The following SRGAP3 variants were observed in gnomAD, a reference collection of about 807,000 sequenced individuals.
SRGAP3 encodes SLIT-ROBO Rho GTPase-activating protein 3.
Under a neutral mutation model 121.1 loss-of-function variants are expected in SRGAP3, and 39 were observed. The ratio of observed to expected loss-of-function variants is 0.32; its 90% confidence interval spans 0.25 to 0.42. The LOEUF is 0.42. SRGAP3 is among the 10% of genes least tolerant of loss of function. The pLI is 1.00. For missense variants in SRGAP3, 1,213 were observed against 1,470.6 expected (o/e 0.82, Z 2.86); for synonymous variants, 601 against 570.0 (o/e 1.05, Z -0.77).
intron 1 of SRGAP3, among the ~76,000 whole-genome samples, chr3:9,166,104 C>T (rs1448412641): frequency 6.6e-6 from 1 of 152,180 alleles, no homozygotes; most frequent in Admixed American, 6.5e-5. Flanking sequence ...CTGACACCAC[C>T]ATTCCCATCA....
At chr3:9,127,684 TGATCC>T (rs1159972096) in intron 1 of SRGAP3, among the ~76,000 whole-genome samples, 2 of 152,196 alleles carry the variant, frequency 1.3e-5, no homozygotes, top group Non-Finnish European at 2.9e-5. Flanking sequence ...CTTGACCTCG[TGATCC>T]ACCCGCCTTG....
At chr3:9,125,934 A>G (rs934345037) in intron 1 of SRGAP3, among the ~76,000 whole-genome samples, 22 of 152,118 alleles carry the variant, frequency 1.4e-4, no homozygotes, top group Admixed American at 3.3e-4. Context: ...CTTTACCCCA[A>G]TGGACTCTCC....
rs1944839995 is a variant in SRGAP3, at chr3:9,037,973, C to T, written c.1436+90G>A. The T allele has an allele frequency of 1.9e-6, 3 of 1,566,156 alleles. No homozygotes were observed. In the East Asian group the frequency reaches 6.7e-5, roughly 35 times the overall value. On this transcript the variant is annotated intron_variant, in intron 11 of 21. Transcript: ENST00000383836. Reference sequence around the variant, plus strand: ...GACATTGGTGAAGAAGCCATCCCTGCTTCTCCAGCTCCTGGCAGTGCCTCC... The same window carrying T: ...GACATTGGTGAAGAAGCCATCCCTGTTTCTCCAGCTCCTGGCAGTGCCTCC...
Position 9,249,140 on chromosome 3 carries a change from T to C in SRGAP3, c.-189A>G, listed in dbSNP as rs1953927296. On this transcript the variant is annotated 5_prime_UTR_variant, in exon 1 of 22. Transcript: ENST00000383836. ...CTTCTGGAAGGAAAAATCTCTTTAC[T>C]TGCCGAGAAATGGCTCTAGTAGCTT... The C allele has an allele frequency of 1.5e-6, 1 of 660,830 alleles. No homozygotes were observed. Among genetic ancestry groups the C allele is most frequent in the African/African-American group, 1.8e-5 (1 of 55,356 alleles). The allele number at this position is 660,830 out of a possible 1,614,324, so 40.9% of individuals were successfully genotyped here. A position where few individuals can be genotyped will look rare whatever the true frequency, so the allele number is the denominator to read the frequency against.
chr3:9,328,736 C>T (rs1294620678), intron 2 of SRGAP3, among the ~76,000 whole-genome samples: 1 of 152,204 alleles, frequency 6.6e-6, no homozygotes, highest in Non-Finnish European at 1.5e-5. Context: ...GGGACTCCAA[C>T]CCCAACCACC....
chr3:9,177,400 G>T (rs183551553), intron 1 of SRGAP3, among the ~76,000 whole-genome samples: 2 of 152,350 alleles, frequency 1.3e-5, no homozygotes, highest in Admixed American at 6.5e-5. Flanking sequence ...CCTTTGGAAG[G>T]AGGAATGGTG....
chr3:9,184,344 A>G (rs1342521261), intron 1 of SRGAP3, among the ~76,000 whole-genome samples: 1 of 152,186 alleles, frequency 6.6e-6, no homozygotes, highest in Admixed American at 6.5e-5. Flanking sequence ...ATCAGACTGA[A>G]TTTGAATCTG....
At chr3:9,073,284 T>C (rs537802659) in intron 4 of SRGAP3, among the ~76,000 whole-genome samples, 11 of 152,186 alleles carry the variant, frequency 7.2e-5, no homozygotes, top group South Asian at 6.2e-4. Flanking sequence ...GCTGCGACTA[T>C]AGGTACCCGC....
intron 3 of SRGAP3, among the ~76,000 whole-genome samples, chr3:9,102,956 C>T (rs1043930873): frequency 6.6e-6 from 1 of 152,184 alleles, no homozygotes; most frequent in African/African-American, 2.4e-5. Flanking sequence ...ATGGGACCAA[C>T]AGTCCAAACT....
intron 1 of SRGAP3, among the ~76,000 whole-genome samples, chr3:9,135,631 G>A (rs757570669): frequency 6.6e-6 from 1 of 152,192 alleles, no homozygotes; most frequent in Non-Finnish European, 1.5e-5. Flanking sequence ...AGCTGTCTTC[G>A]GATTTGTAAA....
intron 1 of SRGAP3, among the ~76,000 whole-genome samples, chr3:9,213,584 T>A (rs976044106): frequency 6.6e-6 from 1 of 152,228 alleles, no homozygotes; most frequent in African/African-American, 2.4e-5. Flanking sequence ...GGTTTCACGC[T>A]TCCCCTTGCC....
At chr3:9,237,417 T>C (rs537503777) in intron 1 of SRGAP3, among the ~76,000 whole-genome samples, 13 of 152,316 alleles carry the variant, frequency 8.5e-5, no homozygotes, top group South Asian at 2.1e-4. Context: ...AAAGCTCTTA[T>C]TGAGTTTCAG....
At chr3:9,275,859 G>T (rs1383485721) in intron 3 of SRGAP3, among the ~76,000 whole-genome samples, 3 of 152,088 alleles carry the variant, frequency 2.0e-5, no homozygotes, top group Non-Finnish European at 4.4e-5. Flanking sequence ...CAGGTCTCCT[G>T]AAAGGTGAGG....
intron 4 of SRGAP3, among the ~76,000 whole-genome samples, chr3:9,071,751 G>A (rs1309609671): frequency 6.6e-6 from 1 of 152,056 alleles, no homozygotes; most frequent in African/African-American, 2.4e-5. Context: ...GGGTAAAATG[G>A]GGGAGGCATA....
In SRGAP3 at chr3:9,051,023, T is replaced by A. The variant is rs560334839; in HGVS notation, c.1323+2004A>T. ...ATCAATATTAGCCTCATTGCTTTTT[T>A]TTTTTTTTTTTTTTTTTTTTTTTGA... On this transcript the variant is annotated intron_variant, in intron 9 of 21. Transcript: ENST00000383836. Among the ~76,000 whole-genome samples, 469 of 108,082 alleles carry A rather than the reference T, an allele frequency of 4.3e-3. 5 individuals are homozygous for A. Among genetic ancestry groups the A allele is most frequent in the African/African-American group, 0.017 (446 of 26,594 alleles). The allele number at this position is 108,082 out of a possible 152,430, so 70.9% of individuals were successfully genotyped here.
At chr3:9,040,552 T>A (rs1020375184) in intron 10 of SRGAP3, among the ~76,000 whole-genome samples, 8 of 151,782 alleles carry the variant, frequency 5.3e-5, no homozygotes, top group Non-Finnish European at 1.2e-4. Flanking sequence ...TTATTTTTAT[T>A]CTATTCTATT....
intron 18 of SRGAP3, among the ~76,000 whole-genome samples, chr3:9,000,605 C>A (rs1942697800): frequency 6.6e-6 from 1 of 152,176 alleles, no homozygotes; most frequent in African/African-American, 2.4e-5. Flanking sequence ...GAAGGGCAAT[C>A]CAGTGATGGT....
chr3:9,223,601 C>T (rs1276814561), intron 1 of SRGAP3, among the ~76,000 whole-genome samples: 1 of 152,186 alleles, frequency 6.6e-6, no homozygotes. Context: ...ACCTGCATCA[C>T]GGGGTTGCTA....
chr3:9,112,610 G>A (rs567367140), intron 2 of SRGAP3, among the ~76,000 whole-genome samples: 1 of 152,284 alleles, frequency 6.6e-6, no homozygotes, highest in African/African-American at 2.4e-5. Context: ...CTTTAACAGG[G>A]GGCTGCCCTC....
Sources: allele counts gnomAD v4.1 joint callset (sites outside exome capture counted in the v4.1 genomes callset), GRCh38; gene constraint gnomAD v4.1.1; transcripts MANE v1.5; gene names NCBI Gene and HGNC (gene_info 2026-07-23, HGNC 2026-07-21).